ZNF554: variants seen among roughly 807,000 people sequenced by gnomAD.
The protein encoded by ZNF554 is zinc finger protein 554.
ZNF554 carries 15 observed loss-of-function variants against 21.2 expected under a neutral mutation model. The ratio of observed to expected loss-of-function variants is 0.71; its 90% CI spans 0.47 to 1.09. The LOEUF (loss-of-function observed/expected upper bound fraction) is 1.09, where lower values mean the gene tolerates loss of function less well. ZNF554 is among the 50% of genes least tolerant of loss of function. The pLI is 0.00. For synonymous variants in ZNF554, 258 were observed against 251.4 expected (o/e 1.03, Z -0.25); for missense variants, 691 against 662.7 (o/e 1.04, Z -0.47).
chr19:2,834,201 A>G lies in ZNF554; in HGVS notation c.966A>G (p.Lys322=), dbSNP rs2087463484. 6.2e-7 allele frequency: 1 copy of G among 1,613,836 alleles called. No homozygotes were observed. Among genetic ancestry groups the G allele is most frequent in the African/African-American group, 1.3e-5 (1 of 74,872 alleles). The change falls in exon 5 of 5, where the codon AAA becomes AAG. Residue 322 remains lysine, a synonymous_variant. Transcript: ENST00000317243. ...TIHNKINTAE[K]PFECHQCGKV... is the part of the protein sequence containing the mutation. ...ACAACAAAATCAACACGGCAGAGAA[A>G]CCCTTTGAGTGCCACCAGTGTGGGA...
intron 2 of ZNF554, among the ~76,000 whole-genome samples, chr19:2,824,871 C>G (rs1376473106): frequency 6.6e-6 from 1 of 152,092 alleles, no homozygotes; most frequent in Non-Finnish European, 1.5e-5. Context: ...CCCTCCCCAG[C>G]CCCTGGTACC....
chr19:2,834,966 C>A lies in ZNF554; in HGVS notation c.*114C>A. On this transcript the variant is annotated 3_prime_UTR_variant, in exon 5 of 5. Coordinates refer to ENST00000317243, the MANE Select transcript of ZNF554 (RefSeq NM_001102651.2). ...AAGAAGTGGGTTTATGTCACCTTCTCACCTTCTTATAAGAAAGCTCTGAGA... is the reference window on the plus strand; with the variant it reads ...AAGAAGTGGGTTTATGTCACCTTCTAACCTTCTTATAAGAAAGCTCTGAGA... 1 of 958,704 alleles carries A rather than the reference C, an allele frequency of 1.0e-6. No homozygotes were observed. The highest frequency in any genetic ancestry group is 1.5e-6 in the Non-Finnish European group (1 of 654,716). 59.4% of individuals were successfully genotyped at this position (958,704 alleles called of 1,614,324 possible).
rs1217330879 is a variant in ZNF554 at position 2,821,599 on chromosome 19, C to T, written c.54-1441C>T. Among the ~76,000 whole-genome samples, 1 of 151,904 alleles carries T rather than the reference C, an allele frequency of 6.6e-6. No homozygotes were observed. Among genetic ancestry groups the T allele is most frequent in the African/African-American group, 2.4e-5 (1 of 41,164 alleles). On this transcript the variant is annotated intron_variant, in intron 1 of 4. Coordinates refer to ENST00000317243, the MANE Select transcript of ZNF554 (RefSeq NM_001102651.2). The surrounding 1 kb of genome is among the most constrained non-coding windows in gnomAD (Gnocchi z 8.2). ...ATAGTTGGTGTCCCTTGGCTTGGGG[C>T]CACATCACTCCAAGCTCTGCCTGCA...
chr19:2,831,590 G>A (rs2191441), intron 3 of ZNF554: 89,216 of 129,888 alleles, frequency 0.69, 30,650 homozygotes, highest in East Asian at 0.99. Context: ...CACTGCACCC[G>A]CCCTTTTTTT....
Position 2,820,092 on chromosome 19 carries a change from G to T in ZNF554, c.21G>T (p.Leu7=). The stretch of plus-strand genomic sequence containing the variant: ...CCCCGATGGTCACCTGCGCCCACCT[G>T]GGCCGGCGCGCGCGGCTCCCGGCAG... MVTCAH[L]GRRARLPAAQ... is the part of the protein sequence containing the mutation. The change falls in exon 1 of 5, where the codon CTG becomes CTT. Residue 7 remains leucine, a synonymous_variant. Coordinates refer to ENST00000317243, the MANE Select transcript of ZNF554 (RefSeq NM_001102651.2). The T allele has an allele frequency of 8.2e-7, 1 of 1,216,398 alleles. No individual in the cohort carries two copies. Among genetic ancestry groups the T allele is most frequent in the Non-Finnish European group, 1.0e-6 (1 of 977,622 alleles). The allele number at this position is 1,216,398 out of a possible 1,614,324, so 75.4% of individuals were successfully genotyped here.
intron 4 of ZNF554, among the ~76,000 whole-genome samples, chr19:2,832,878 G>T (rs2087439406): frequency 6.6e-6 from 1 of 151,988 alleles, no homozygotes; most frequent in South Asian, 2.1e-4. Context: ...CACCTATTTT[G>T]TTTTTCTCAG....
At position 2,821,795 on chromosome 19, in the gene ZNF554, C is replaced by T. The variant is rs2087267474; in HGVS notation, c.54-1245C>T. On this transcript the variant is annotated intron_variant, in intron 1 of 4. Transcript: ENST00000317243. This position sits in a 1 kb window ranked among gnomAD's most constrained non-coding sequence, Gnocchi z 8.2. ...AATTCTGCCTCAGCCTCTCGAGTAG[C>T]TGGGATTACAGGTGCACGCCACCAC... Among the ~76,000 whole-genome samples the T allele has an allele frequency of 6.6e-6, 1 of 151,948 alleles. No individual in the cohort carries two copies. Among genetic ancestry groups the T allele is most frequent in the Non-Finnish European group, 1.5e-5 (1 of 67,996 alleles).
chr19:2,820,423 C>T (rs1013490732), intron 1 of ZNF554, among the ~76,000 whole-genome samples: 35 of 152,240 alleles, frequency 2.3e-4, no homozygotes, highest in Non-Finnish European at 4.6e-4. Flanking sequence ...CTGCCACGCT[C>T]GCACTGCAGT....
Position 2,827,665 on chromosome 19 carries a change from T to C in ZNF554, c.175T>C (p.Trp59Arg). ...DVSMDFSQEE[W>R]ELLEPAQKNL... ...GTCCATGGACTTCTCCCAGGAGGAG[T>C]GGGAGTTGCTGGAGCCTGCTCAGAA... The change falls in exon 3 of 5, where the codon TGG (tryptophan) becomes CGG (arginine). Residue 59 changes from tryptophan to arginine, a missense_variant. Coordinates refer to ENST00000317243, the MANE Select transcript of ZNF554 (RefSeq NM_001102651.2). The C allele has an allele frequency of 7.4e-6, 12 of 1,613,612 alleles. No homozygotes were observed. Among genetic ancestry groups the C allele is most frequent in the Non-Finnish European group, 1.0e-5 (12 of 1,179,876 alleles).
intron 2 of ZNF554, 112 bp from the exon 3 acceptor site, chr19:2,827,505 A>G (rs1422907420): frequency 7.3e-7 from 1 of 1,363,250 alleles, no homozygotes; most frequent in Non-Finnish European, 1.0e-6. Flanking sequence ...TGACTTATGG[A>G]CTTTGCACCT....
intron 2 of ZNF554, among the ~76,000 whole-genome samples, chr19:2,823,592 C>T (rs1440155555): frequency 1.3e-5 from 2 of 152,138 alleles, no homozygotes; most frequent in African/African-American, 2.4e-5. Context: ...GTCATTCGGA[C>T]GTCTCTGCAG....
Position 2,825,013 on chromosome 19 carries a change from T to G in ZNF554, c.126+1901T>G, listed in dbSNP as rs539079397. ...AACGTGATTGCAGTTGTTTTTTTTT[T>G]TTTTTTTTTTTTTTTTTGAGACAAG... On this transcript the variant is annotated intron_variant, in intron 2 of 4. Coordinates refer to ENST00000317243, the MANE Select transcript of ZNF554 (RefSeq NM_001102651.2). 1.4e-4 allele frequency among the ~76,000 whole-genome samples: 21 copies of G among 146,916 alleles called. 1 individual carries two copies. The highest frequency in any genetic ancestry group is 5.9e-4 in the East Asian group (3 of 5,074).
Position 2,834,802 on chromosome 19 carries a change from A to G in ZNF554, c.1567A>G (p.Ile523Val), listed in dbSNP as rs371914979. ...CAGCAGCCAGAAAACCTATAAAATC[A>G]TTGACTGTGGGAAAGCGTTCTACCA... ...THSSQKTYKI[I>V]DCGKAFYQNR... The change falls in exon 5 of 5, where the codon ATT (isoleucine) becomes GTT (valine). Residue 523 changes from isoleucine (I) to valine (V), a missense_variant. Ile to Val is a conservative substitution (Grantham distance 29). Transcript: ENST00000317243. The G allele has an allele frequency of 7.0e-5, 113 of 1,609,708 alleles. No individual in the cohort carries two copies. The highest frequency in any genetic ancestry group is 8.9e-5 in the Non-Finnish European group (105 of 1,176,930).
intron 2 of ZNF554, among the ~76,000 whole-genome samples, chr19:2,824,788 C>T (rs2087308245): frequency 6.6e-6 from 1 of 152,116 alleles, no homozygotes; most frequent in South Asian, 2.1e-4. Context: ...CAACCATCAC[C>T]ACCCTCCTCT....
intron 2 of ZNF554, among the ~76,000 whole-genome samples, chr19:2,824,752 G>T (rs1166658214): frequency 6.6e-6 from 1 of 152,160 alleles, no homozygotes; most frequent in Non-Finnish European, 1.5e-5. Flanking sequence ...GTTTTCAAGT[G>T]CACAGCTCAA....
intron 1 of ZNF554, 108 bp from the exon 2 acceptor site, chr19:2,822,932 G>A (rs1471050408): frequency 2.5e-5 from 28 of 1,100,988 alleles, no homozygotes; most frequent in Non-Finnish European, 1.2e-5. Context: ...ACCTCCCTCT[G>A]TGTATGGGGG....
Position 2,833,877 on chromosome 19 carries a change from G to A in ZNF554, c.642G>A (p.Glu214=). 6.2e-7 allele frequency: 1 copy of A among 1,613,356 alleles called. No individual in the cohort carries two copies. Among genetic ancestry groups the A allele is most frequent in the Non-Finnish European group, 8.5e-7 (1 of 1,179,438 alleles). ...TTCACGTAGTGGCCGTTCCTCAGGAGAAGGCTACTGCATGGCATGGATTTG... is the reference window on the plus strand; with the variant it reads ...TTCACGTAGTGGCCGTTCCTCAGGAAAAGGCTACTGCATGGCATGGATTTG... The part of the protein sequence containing the change: ...ASLHVVAVPQ[E]KATAWHGFGE... The change falls in exon 5 of 5, where the codon GAG becomes GAA. Residue 214 remains glutamate (E), a synonymous_variant. Transcript: ENST00000317243.
intron 1 of ZNF554, among the ~76,000 whole-genome samples, chr19:2,820,620 C>A (rs1316712677): frequency 2.7e-5 from 4 of 150,916 alleles, no homozygotes; most frequent in African/African-American, 9.8e-5. Flanking sequence ...GTCCACAGCG[C>A]CCTGAGGGAG....
chr19:2,834,526 A>G lies in ZNF554; in HGVS notation c.1291A>G (p.Thr431Ala), dbSNP rs2144828018. The G allele has an allele frequency of 3.1e-6, 5 of 1,614,154 alleles. No homozygotes were observed. Among genetic ancestry groups the G allele is most frequent in the Non-Finnish European group, 4.2e-6 (5 of 1,180,042 alleles). Residue 431 changes from threonine to alanine, a missense_variant, in exon 5 of 5, where the codon ACC (threonine) becomes GCC (alanine). Coordinates refer to ENST00000317243, the MANE Select transcript of ZNF554 (RefSeq NM_001102651.2). ...CCTGATCTTGCACAAGAGGACACAC[A>G]CCGGAGAGAAGCCCTACGAATGCAG... is the stretch of plus-strand genomic sequence containing the variant. Reference protein sequence around the residue: ...SYLILHKRTHTGEKPYECSEC... With the variant: ...SYLILHKRTHAGEKPYECSEC...
Sources: allele counts gnomAD v4.1 joint callset (sites outside exome capture counted in the v4.1 genomes callset), GRCh38; gene constraint gnomAD v4.1.1; non-coding constraint Gnocchi (gnomAD v3.1); transcripts MANE v1.5; gene names NCBI Gene and HGNC (gene_info 2026-07-23, HGNC 2026-07-21).